CTNNA2: variants seen among roughly 807,000 people sequenced by gnomAD.
CTNNA2 encodes the protein catenin alpha-2.
A neutral mutation model predicts 101.0 loss-of-function variants in CTNNA2; 42 were observed. The ratio of observed to expected loss-of-function variants is 0.42; its 90% CI spans 0.32 to 0.54. The LOEUF (loss-of-function observed/expected upper bound fraction) is 0.54, where lower values mean the gene tolerates loss of function less well. Among genes scored for constraint, CTNNA2 ranks in the 20% least tolerant of loss-of-function variants. CTNNA2 has a pLI of 0.14. For synonymous variants in CTNNA2, 450 were observed against 456.4 expected (o/e 0.99, Z 0.18); for missense variants, 871 against 1,223.1 (o/e 0.71, Z 4.29).
chr2:80,260,269 G>GAT (rs1672506826), intron 7 of CTNNA2, among the ~76,000 whole-genome samples: 1 of 152,162 alleles, frequency 6.6e-6, no homozygotes, highest in Non-Finnish European at 1.5e-5. Flanking sequence ...CTGGAAGATT[G>GAT]ATGTTCTTCC....
chr2:79,646,590 A>G (rs1346411800), intron 1 of CTNNA2, among the ~76,000 whole-genome samples: 1 of 139,612 alleles, frequency 7.2e-6, no homozygotes, highest in Non-Finnish European at 1.5e-5. Flanking sequence ...GTGCAGTGGC[A>G]CAATCATGAC....
intron 7 of CTNNA2, among the ~76,000 whole-genome samples, chr2:80,005,736 TAACTC>T (rs760751801): frequency 1.5e-4 from 22 of 151,450 alleles, no homozygotes; most frequent in South Asian, 6.2e-4. Flanking sequence ...CATTTAGAAA[TAACTC>T]AAACAACTCA....
chr2:80,214,231 A>G (rs889151283), intron 7 of CTNNA2, among the ~76,000 whole-genome samples: 1 of 152,070 alleles, frequency 6.6e-6, no homozygotes, highest in Non-Finnish European at 1.5e-5. Context: ...TAATATTGTT[A>G]TGTGTGAATG....
intron 7 of CTNNA2, among the ~76,000 whole-genome samples, chr2:80,350,281 C>T (rs145570955): frequency 3.1e-4 from 47 of 152,258 alleles, no homozygotes; most frequent in Non-Finnish European, 6.5e-4. Flanking sequence ...CAGTCAAGGA[C>T]ATTTACACAG....
At chr2:79,297,908 C>A (rs1418002078) in intron 2 of CTNNA2, among the ~76,000 whole-genome samples, 1 of 152,172 alleles carries the variant, frequency 6.6e-6, no homozygotes, top group Non-Finnish European at 1.5e-5. Context: ...AGTTACTCAT[C>A]TATCTCTCAT....
intron 9 of CTNNA2, among the ~76,000 whole-genome samples, chr2:80,446,511 C>T (rs996058217): frequency 4.6e-5 from 7 of 152,142 alleles, no homozygotes; most frequent in South Asian, 2.1e-4. Flanking sequence ...TACAAAACAT[C>T]GCATGAATTC....
Position 80,004,106 on chromosome 2 carries a change from TA to T in CTNNA2, c.1056+94311del, listed in dbSNP as rs565910339. Reference sequence around the variant, plus strand: ...GAAAATAGAGGCTAAAATTTTTTTTTAATCTCTTTGCTGCAAGACTTTTCAG... The same window carrying T: ...GAAAATAGAGGCTAAAATTTTTTTTTATCTCTTTGCTGCAAGACTTTTCAG... On this transcript the variant is annotated intron_variant, in intron 7 of 18. Coordinates refer to ENST00000402739, the MANE Select transcript of CTNNA2 (RefSeq NM_001282597.3). Among the ~76,000 whole-genome samples the T allele has an allele frequency of 6.6e-4, 100 of 152,318 alleles. 4 individuals carry two copies. The South Asian group carries it at 0.02, about 31-fold the overall frequency.
chr2:80,154,876 A>T (rs1322434695), intron 7 of CTNNA2, among the ~76,000 whole-genome samples: 1 of 152,222 alleles, frequency 6.6e-6, no homozygotes, highest in Admixed American at 6.5e-5. Context: ...TGTTCATATG[A>T]TTTATAACTA....
At chr2:80,595,693 T>G (rs2149752223) in intron 15 of CTNNA2, among the ~76,000 whole-genome samples, 1 of 152,306 alleles carries the variant, frequency 6.6e-6, no homozygotes, top group South Asian at 2.1e-4. Context: ...GTGGTATTTC[T>G]GAGGTCTCTG....
At chr2:79,271,716 T>C (rs993462165) in intron 2 of CTNNA2, among the ~76,000 whole-genome samples, 12 of 151,972 alleles carry the variant, frequency 7.9e-5, no homozygotes, top group African/African-American at 2.9e-4. Flanking sequence ...GAAGGCTACG[T>C]CCCTAGGGCA....
At position 79,370,605 on chromosome 2, in the gene CTNNA2, AT is replaced by A. The variant is rs541740270; in HGVS notation, c.-317-3220del. Among the ~76,000 whole-genome samples, 160 of 152,048 alleles carry A rather than the reference AT, an allele frequency of 1.1e-3. 1 individual carries two copies. The highest frequency in any genetic ancestry group is 7.3e-3 in the Admixed American group (111 of 15,278). ...TCAGGACTCCTGAACTCCCTGTATT[AT>A]TTTTTAAAGCAATGATCTTAACTTT... On this transcript the variant is annotated intron_variant, in intron 3 of 21. Transcript: ENST00000466387.
At chr2:79,860,539 A>C (rs980597295) in intron 4 of CTNNA2, among the ~76,000 whole-genome samples, 2 of 62,014 alleles carry the variant, frequency 3.2e-5, no homozygotes, top group African/African-American at 1.1e-4. Context: ...ACAGCCGAGT[A>C]AGGGAAGTTT....
intron 18 of CTNNA2, among the ~76,000 whole-genome samples, chr2:80,623,149 G>T (rs1671319604): frequency 6.6e-6 from 1 of 150,704 alleles, no homozygotes; most frequent in Admixed American, 6.6e-5. Context: ...CCTCCTAAGT[G>T]TCTCTGGAGG....
intron 1 of CTNNA2, 98 bp from the exon 2 acceptor site, chr2:79,651,454 T>A: frequency 8.8e-7 from 1 of 1,131,640 alleles, no homozygotes; most frequent in East Asian, 2.4e-5. Flanking sequence ...TATCTTCCAG[T>A]ATGTTCTAAG....
At chr2:80,217,033 T>G (rs1708309156) in intron 7 of CTNNA2, among the ~76,000 whole-genome samples, 1 of 151,994 alleles carries the variant, frequency 6.6e-6, no homozygotes, top group South Asian at 2.1e-4. Context: ...AATTTCACCA[T>G]GTTGGCCAGG....
intron 1 of CTNNA2, among the ~76,000 whole-genome samples, chr2:79,528,904 G>C (rs1672574724): frequency 6.6e-6 from 1 of 152,090 alleles, no homozygotes; most frequent in Non-Finnish European, 1.5e-5. Context: ...GACATCTAAT[G>C]GTATATAGCG....
chr2:80,241,625 A>ATCTATCTATCTC (rs1450231111), intron 7 of CTNNA2, among the ~76,000 whole-genome samples: 1 of 149,510 alleles, frequency 6.7e-6, no homozygotes, highest in Admixed American at 6.7e-5. Context: ...CTATCTATCT[A>ATCTATCTATCTC]TCATCTTTGT....
intron 1 of CTNNA2, among the ~76,000 whole-genome samples, chr2:79,523,468 A>G (rs988485052): frequency 6.6e-6 from 1 of 152,132 alleles, no homozygotes; most frequent in Admixed American, 6.6e-5. Context: ...ATTACTTGAT[A>G]GTGTGGTTGT....
chr2:80,037,803 C>A (rs1475276389), intron 7 of CTNNA2, among the ~76,000 whole-genome samples: 1 of 152,088 alleles, frequency 6.6e-6, no homozygotes, highest in African/African-American at 2.4e-5. Context: ...AATTAGTTTT[C>A]TTATCAAACA....
Sources: gnomAD v4.1 joint callset for allele counts (sites outside exome capture counted in the v4.1 genomes callset) on GRCh38, gnomAD v4.1.1 for gene constraint, MANE v1.5 for transcripts, NCBI Gene and HGNC (gene_info 2026-07-23, HGNC 2026-07-21) for gene names.